Variants in GPR89B observed in about 807,000 individuals in gnomAD.
GPR89B encodes the protein G protein-coupled receptor 89B.
In GPR89B, 25 loss-of-function variants were observed where a neutral mutation model predicts 52.4. The observed-to-expected ratio is 0.48, with a 90% CI of 0.35 to 0.67. The LOEUF (loss-of-function observed/expected upper bound fraction) is 0.67, where lower values mean the gene tolerates loss of function less well. Among genes scored for constraint, GPR89B ranks in the 30% least tolerant of loss-of-function variants. The probability of loss-of-function intolerance (pLI) is 0.01; values close to 1 mark genes in which losing one functional copy is unlikely to be tolerated. For synonymous variants in GPR89B, 52 were observed against 151.2 expected (o/e 0.34, Z 4.81); for missense variants, 146 against 450.2 (o/e 0.32, Z 6.11).
At chr1:148,018,100 C>T in the GPR89B span, among the ~76,000 whole-genome samples, 1 of 147,380 alleles carries the variant, frequency 6.8e-6, no homozygotes, top group Non-Finnish European at 1.5e-5. Flanking sequence ...AACAAATTTA[C>T]CCAAACAGAA....
chr1:147,980,010 C>G (rs1178553744), intron 10 of GPR89B, among the ~76,000 whole-genome samples: 2 of 150,636 alleles, frequency 1.3e-5, no homozygotes, highest in East Asian at 2.0e-4. Flanking sequence ...CGCTTGAGCC[C>G]AGAAGTCCAA....
intron 5 of GPR89B, among the ~76,000 whole-genome samples, chr1:147,950,097 C>T (rs1211520735): frequency 4.7e-5 from 7 of 148,842 alleles, no homozygotes; most frequent in African/African-American, 1.0e-4. Context: ...CCCTCCCGGA[C>T]GGGGTGGCTG....
chr1:147,950,526 C>T (rs1655572215), intron 5 of GPR89B, among the ~76,000 whole-genome samples: 4 of 152,054 alleles, frequency 2.6e-5, no homozygotes, highest in Admixed American at 2.0e-4. Context: ...ACTTCCCAGA[C>T]GGGGTGGCGC....
intron 7 of GPR89B, among the ~76,000 whole-genome samples, chr1:147,957,727 A>T (rs1656219385): frequency 6.6e-6 from 1 of 151,960 alleles, no homozygotes; most frequent in Admixed American, 6.6e-5. Flanking sequence ...TTTCTATAGT[A>T]AGACCCATAG....
intron 12 of GPR89B, among the ~76,000 whole-genome samples, chr1:147,991,429 A>C (rs2149097269): frequency 6.6e-6 from 1 of 152,274 alleles, no homozygotes; most frequent in South Asian, 2.1e-4. Flanking sequence ...TCCTGATTGA[A>C]TATCCTTTAT....
chr1:147,979,630 A>G (rs1165174802), intron 10 of GPR89B, among the ~76,000 whole-genome samples: 1 of 152,030 alleles, frequency 6.6e-6, no homozygotes, highest in Non-Finnish European at 1.5e-5. Context: ...TACTGCATCT[A>G]TTGAGATGAT....
At chr1:148,025,190 C>G in the GPR89B span, among the ~76,000 whole-genome samples, 4 of 151,740 alleles carry the variant, frequency 2.6e-5, no homozygotes, top group Non-Finnish European at 5.9e-5. Flanking sequence ...TTGTTTACTA[C>G]CATTTTCCCC....
intron 1 of GPR89B, among the ~76,000 whole-genome samples, chr1:147,930,494 T>G (rs1553246869): frequency 2.6e-5 from 4 of 152,098 alleles, no homozygotes. Context: ...TCTCCTGTAT[T>G]CACCAGCATC....
At chr1:148,025,523 CAAAAAAAAA>C in the GPR89B span, among the ~76,000 whole-genome samples, 35 of 29,674 alleles carry the variant, frequency 1.2e-3, no homozygotes, top group South Asian at 2.4e-3. Flanking sequence ...AACTCTGTCT[CAAAAAAAAA>C]AAAAAAAAAA....
downstream of GPR89B, chr1:147,995,854 C>T (rs1659303277): frequency 6.5e-7 from 1 of 1,526,814 alleles, no homozygotes; most frequent in African/African-American, 1.4e-5. Context: ...CATCCTCTAG[C>T]CCAGCCAAGT....
intron 5 of GPR89B, among the ~76,000 whole-genome samples, chr1:147,946,564 T>C (rs373230016): frequency 0.031 from 4,557 of 147,248 alleles, 98 homozygotes; most frequent in African/African-American, 0.052. Flanking sequence ...TTATCTGTGA[T>C]GGTAGAAGTC....
the GPR89B span, among the ~76,000 whole-genome samples, chr1:148,000,094 A>G: frequency 6.6e-6 from 1 of 152,154 alleles, no homozygotes; most frequent in Non-Finnish European, 1.5e-5. Flanking sequence ...AGGTCTCACC[A>G]TGTGGTATTC....
intron 1 of GPR89B, among the ~76,000 whole-genome samples, chr1:147,931,632 C>G (rs1282711957): frequency 1.3e-5 from 2 of 148,604 alleles, no homozygotes; most frequent in Non-Finnish European, 3.0e-5. Flanking sequence ...GGTACTTGTG[C>G]TGGGTATATT....
At chr1:147,969,685 T>C in intron 9 of GPR89B, 182 bp from the exon 10 acceptor site, 1 of 604,740 alleles carries the variant, frequency 1.7e-6, no homozygotes, top group East Asian at 2.9e-5. Context: ...TTTATCCCAG[T>C]CTCTAGCTAA....
chr1:147,959,744 G>A (rs1656395982), intron 7 of GPR89B, among the ~76,000 whole-genome samples: 1 of 152,058 alleles, frequency 6.6e-6, no homozygotes, highest in Admixed American at 6.6e-5. Context: ...AAGAGTCTGA[G>A]AAAAATAGGC....
chr1:148,002,262 C>T, the GPR89B span, among the ~76,000 whole-genome samples: 1 of 152,066 alleles, frequency 6.6e-6, no homozygotes, highest in Non-Finnish European at 1.5e-5. Flanking sequence ...AGCATCCAGT[C>T]CCCATATCTA....
chr1:147,970,505 C>CTCTCTT, intron 10 of GPR89B, among the ~76,000 whole-genome samples: 1 of 138,460 alleles, frequency 7.2e-6, no homozygotes, highest in East Asian at 2.0e-4. Flanking sequence ...CTCTCTCTCT[C>CTCTCTT]TCTCTCTCTC....
intron 5 of GPR89B, among the ~76,000 whole-genome samples, chr1:147,945,351 A>C (rs1371315252): frequency 6.7e-6 from 1 of 149,342 alleles, no homozygotes; most frequent in Non-Finnish European, 1.5e-5. Context: ...CAAATGCTGG[A>C]AAAGGATATT....
At chr1:148,019,555 A>G in the GPR89B span, among the ~76,000 whole-genome samples, 2 of 151,958 alleles carry the variant, frequency 1.3e-5, no homozygotes, top group Admixed American at 1.3e-4. Context: ...AAACCTGCAC[A>G]TCCTGCACAT....
Sources: allele counts gnomAD v4.1 joint callset (sites outside exome capture counted in the v4.1 genomes callset), GRCh38; gene constraint gnomAD v4.1.1; transcripts MANE v1.5; gene names NCBI Gene and HGNC (gene_info 2026-07-23, HGNC 2026-07-21).